Variants in INPP5D observed in about 807,000 individuals in gnomAD.
INPP5D encodes inositol polyphosphate-5-phosphatase D.
Under a neutral mutation model 122.9 loss-of-function variants are expected in INPP5D, and 33 were observed. The observed-to-expected ratio is 0.27, with a 90% CI of 0.20 to 0.36. The LOEUF is 0.36. Among genes scored for constraint, INPP5D ranks in the 10% least tolerant of loss-of-function variants. The pLI is 1.00. For synonymous variants in INPP5D, 584 were observed against 576.2 expected, an observed-to-expected ratio of 1.01 and a Z score of -0.19; for missense variants, 1,053 against 1,412.7, an observed-to-expected ratio of 0.75 and a Z score of 4.08.
At chr2:233,157,552 G>A (rs1371439486) in intron 9 of INPP5D, among the ~76,000 whole-genome samples, 1 of 152,174 alleles carries the variant, frequency 6.6e-6, no homozygotes, top group Middle Eastern at 3.2e-3. Context: ...CAAACACTGA[G>A]TACTTATCTG....
intron 17 of INPP5D, among the ~76,000 whole-genome samples, chr2:233,171,701 G>T (rs1574784342): frequency 6.6e-6 from 1 of 152,220 alleles, no homozygotes; most frequent in East Asian, 1.9e-4. Context: ...TTTCCTGATG[G>T]CCTATTATGG....
At chr2:233,076,822 C>T (rs1002016958) in intron 1 of INPP5D, among the ~76,000 whole-genome samples, 1 of 152,198 alleles carries the variant, frequency 6.6e-6, no homozygotes, top group Admixed American at 6.5e-5. Flanking sequence ...TTATCATTCT[C>T]ACCTCTCAGA....
chr2:233,194,268 C>A (rs1312585254), intron 23 of INPP5D, among the ~76,000 whole-genome samples: 1 of 152,114 alleles, frequency 6.6e-6, no homozygotes, highest in Non-Finnish European at 1.5e-5. Context: ...AAAAGAAGGA[C>A]CCAGTGTACC....
At chr2:233,064,385 G>T (rs899407185) in intron 1 of INPP5D, among the ~76,000 whole-genome samples, 1 of 152,220 alleles carries the variant, frequency 6.6e-6, no homozygotes, top group Non-Finnish European at 1.5e-5. Flanking sequence ...CCATGGCAGG[G>T]TCTTGCTTAC....
intron 17 of INPP5D, chr2:233,171,353 C>T: frequency 1.5e-6 from 1 of 652,820 alleles, no homozygotes. Flanking sequence ...GAAAATAACC[C>T]TTGTGATTTA....
In INPP5D at chr2:233,164,075, A is replaced by T; in HGVS notation, c.1437+172A>T. 4.3e-6 allele frequency: 6 copies of T among 1,381,782 alleles called. No individual in the cohort carries two copies. The highest frequency in any genetic ancestry group is 5.7e-6 in the Non-Finnish European group (6 of 1,048,094). 85.6% of individuals were successfully genotyped at this position (1,381,782 alleles called of 1,614,324 possible). On this transcript the variant is annotated intron_variant, in intron 12 of 26. Coordinates refer to ENST00000445964, the MANE Select transcript of INPP5D (RefSeq NM_001017915.3). The surrounding 1 kb of genome is among the most constrained non-coding windows in gnomAD (Gnocchi z 4.3). Reference sequence around the variant, plus strand: ...CAGAAATAAATGGGATCTGTGGGGTATTGCTGAAAACCACTGAGTCCTCTA... The same window carrying T: ...CAGAAATAAATGGGATCTGTGGGGTTTTGCTGAAAACCACTGAGTCCTCTA...
rs1691713548 is a variant in INPP5D at position 233,082,307 on chromosome 2, C to G, written c.198+2909C>G. On this transcript the variant is annotated intron_variant, in intron 2 of 26. Coordinates refer to ENST00000445964, the MANE Select transcript of INPP5D (RefSeq NM_001017915.3). This position sits in a 1 kb window ranked among gnomAD's most constrained non-coding sequence, Gnocchi z 4.7. ...ACACTCATGCCCAATTAAGCAGACT[C>G]AGAGCCCTTCGGGGAAGCTTTAGCA... Among the ~76,000 whole-genome samples, 1 of 152,234 alleles carries G rather than the reference C, an allele frequency of 6.6e-6. No individual in the cohort carries two copies. The highest frequency in any genetic ancestry group is 2.4e-5 in the African/African-American group (1 of 41,458).
In INPP5D at chr2:233,134,013, G is replaced by T. The variant is rs182348970; in HGVS notation, c.665+3365G>T. ...TGAGAACTGGTGTGACCTGGGACAC[G>T]TGTGCATGGCAAAGGTGTCAGATTT... On this transcript the variant is annotated intron_variant, in intron 5 of 26. Transcript: ENST00000445964. The T allele has an allele frequency of 2.2e-5, 10 of 456,158 alleles. No individual in the cohort carries two copies. In the East Asian group the frequency reaches 7.0e-4, roughly 32 times the overall value. 28.3% of individuals were successfully genotyped at this position (456,158 alleles called of 1,614,324 possible).
intron 1 of INPP5D, among the ~76,000 whole-genome samples, chr2:233,069,169 A>G (rs752438376): frequency 4.6e-5 from 7 of 152,290 alleles, no homozygotes; most frequent in Admixed American, 1.3e-4. Flanking sequence ...CACGATATTA[A>G]CAAGTGCAGG....
rs144992531 is a variant in INPP5D at position 233,127,416 on chromosome 2, G to T, written c.524+1497G>T. Among the ~76,000 whole-genome samples the T allele has an allele frequency of 1.8e-4, 27 of 152,248 alleles. No individual in the cohort carries two copies. In the East Asian group the frequency reaches 4.0e-3, roughly 23 times the overall value. On this transcript the variant is annotated intron_variant, in intron 4 of 26. Coordinates refer to ENST00000445964, the MANE Select transcript of INPP5D (RefSeq NM_001017915.3). ...TTGTGTTTTAAAATCAGTCTATTTC[G>T]CTTGTCAAGCTGCTTTGCACATAGA...
intron 4 of INPP5D, among the ~76,000 whole-genome samples, chr2:233,130,083 G>T (rs1204821890): frequency 2.0e-5 from 3 of 152,200 alleles, no homozygotes; most frequent in East Asian, 1.9e-4. Flanking sequence ...TGTATTTTTA[G>T]TAGAGGCGGG....
intron 5 of INPP5D, among the ~76,000 whole-genome samples, chr2:233,135,575 G>T (rs1693445359): frequency 6.6e-6 from 1 of 150,736 alleles, no homozygotes. Context: ...CTTTAAAATT[G>T]TCGACATTTA....
At chr2:233,062,565 C>T (rs1372027216) in intron 1 of INPP5D, among the ~76,000 whole-genome samples, 1 of 152,214 alleles carries the variant, frequency 6.6e-6, no homozygotes, top group Non-Finnish European at 1.5e-5. Flanking sequence ...CTCTCAGAGT[C>T]ATGATGGGTG....
At chr2:233,086,415 G>A (rs1440586798) in intron 2 of INPP5D, among the ~76,000 whole-genome samples, 4 of 152,038 alleles carry the variant, frequency 2.6e-5, no homozygotes, top group Admixed American at 6.6e-5. Context: ...CTGACCTCAG[G>A]TAATCTGCTC....
intron 2 of INPP5D, among the ~76,000 whole-genome samples, chr2:233,096,377 C>T (rs1025431901): frequency 4.6e-5 from 7 of 152,134 alleles, no homozygotes; most frequent in Admixed American, 1.3e-4. Context: ...ATGACCCAGG[C>T]GTGGTGGTTC....
At position 233,105,067 on chromosome 2, in the gene INPP5D, G is replaced by C. The variant is rs932134933; in HGVS notation, c.199-17040G>C. ...CCATTGGCTGTCTTGGGTAGGGATA[G>C]GGAATGTGGACCTCCCGGGTTTCTC... is the stretch of plus-strand genomic sequence containing the variant. On this transcript the variant is annotated intron_variant, in intron 2 of 26. Coordinates refer to ENST00000445964, the MANE Select transcript of INPP5D (RefSeq NM_001017915.3). The surrounding 1 kb of genome is among the most constrained non-coding windows in gnomAD (Gnocchi z 4.0). Among the ~76,000 whole-genome samples the C allele has an allele frequency of 1.3e-5, 2 of 152,214 alleles. No individual in the cohort carries two copies. Among genetic ancestry groups the C allele is most frequent in the Non-Finnish European group, 2.9e-5 (2 of 68,034 alleles).
At chr2:233,205,759 T>G (rs1211752748) in intron 26 of INPP5D, 2 of 152,080 alleles carry the variant, frequency 1.3e-5, no homozygotes, top group Non-Finnish European at 2.9e-5. Flanking sequence ...ATAAAAAATT[T>G]TTTGAGCAAA....
intron 1 of INPP5D, among the ~76,000 whole-genome samples, chr2:233,067,479 A>G (rs1691261178): frequency 6.6e-6 from 1 of 152,376 alleles, no homozygotes. Flanking sequence ...CTTTTGGGCT[A>G]TAATGAATAA....
rs139091330 is a variant in INPP5D at position 233,160,134 on chromosome 2, A to G, written c.1138-1590A>G. Among the ~76,000 whole-genome samples, 400 of 152,332 alleles carry G rather than the reference A, an allele frequency of 2.6e-3. 2 individuals carry two copies. Among genetic ancestry groups the G allele is most frequent in the African/African-American group, 9.2e-3 (384 of 41,578 alleles). On this transcript the variant is annotated intron_variant, in intron 10 of 26. Coordinates refer to ENST00000445964, the MANE Select transcript of INPP5D (RefSeq NM_001017915.3). This position sits in a 1 kb window ranked among gnomAD's most constrained non-coding sequence, Gnocchi z 4.2. ...AGCCACTCCCAACTCGAGGCAGGTT[A>G]TAGTAAAGATGGTCATTATGACATC...
Sources: allele counts gnomAD v4.1 joint callset (sites outside exome capture counted in the v4.1 genomes callset), GRCh38; gene constraint gnomAD v4.1.1; non-coding constraint Gnocchi (gnomAD v3.1); transcripts MANE v1.5; gene names NCBI Gene and HGNC (gene_info 2026-07-23, HGNC 2026-07-21).